The following SYMPK variants were observed in gnomAD, a reference collection of about 807,000 sequenced individuals.
SYMPK encodes the protein symplekin.
SYMPK carries 49 observed loss-of-function variants against 136.4 expected under a neutral mutation model. The observed-to-expected ratio is 0.36, with a 90% CI of 0.29 to 0.46. The LOEUF (loss-of-function observed/expected upper bound fraction) is 0.46, where lower values mean the gene tolerates loss of function less well. Ranked by LOEUF, SYMPK falls within the 20% of genes least tolerant of loss-of-function variation. SYMPK has a pLI of 1.00. For synonymous variants in SYMPK, 766 were observed against 713.0 expected, an observed-to-expected ratio of 1.07 and a Z score of -1.19; for missense variants, 1,365 against 1,690.0, an observed-to-expected ratio of 0.81 and a Z score of 3.37.
intron 9 of SYMPK, among the ~76,000 whole-genome samples, chr19:45,840,312 C>CAAAA (rs546768442): frequency 3.5e-5 from 2 of 57,142 alleles, no homozygotes; most frequent in Non-Finnish European, 7.3e-5. Flanking sequence ...GAGACTGTCT[C>CAAAA]AAAAAAAAAA....
intron 11 of SYMPK, among the ~76,000 whole-genome samples, chr19:45,834,099 A>G (rs1191414821): frequency 6.6e-6 from 1 of 152,204 alleles, no homozygotes; most frequent in Non-Finnish European, 1.5e-5. Flanking sequence ...CATCCTGGCT[A>G]AGACGGTGAA....
rs1329996632 is a variant in SYMPK at position 45,844,232 on chromosome 19, G to A, written c.677-32C>T. The A allele has an allele frequency of 1.3e-6, 2 of 1,517,296 alleles. 1 individual carries two copies. Among genetic ancestry groups the A allele is most frequent in the South Asian group, 2.6e-5 (2 of 76,204 alleles). The allele number at this position is 1,517,296 out of a possible 1,614,324, so 94.0% of individuals were successfully genotyped here. ...GACAGAGAGGAGAACCAGTCAGTGG[G>A]ATCCGTTTTCCCAGGCCTCTGGAGA... On this transcript the variant is annotated intron_variant, in intron 7 of 26. Coordinates refer to ENST00000245934, the MANE Select transcript of SYMPK (RefSeq NM_004819.3).
Position 45,816,851 on chromosome 19 carries a change from G to A in SYMPK, c.3205C>T (p.Pro1069Ser), listed in dbSNP as rs1970755895. Residue 1069 changes from proline to serine, a missense_variant, in exon 24 of 27, where the codon CCA becomes TCA. By Grantham distance (74) the Pro-to-Ser change is moderately conservative. Around this residue, in one of 11 missense-constraint regions of SYMPK, gnomAD observed 156 missense variants for 217.8 expected, o/e 0.72. Transcript: ENST00000245934. ...GCCAGCAGGGGCTCCCGGAGCTCTG[G>A]GCACTTGTCAAAGACGGCTCCCAGC... is the stretch of plus-strand genomic sequence containing the variant. ...QQLGAVFDKC[P>S]ELREPLLAHV... 3 of 1,549,206 alleles carry A rather than the reference G, an allele frequency of 1.9e-6. No individual in the cohort carries two copies. The highest frequency in any genetic ancestry group is 2.6e-6 in the Non-Finnish European group (3 of 1,146,596).
intron 12 of SYMPK, chr19:45,831,084 CA>C (rs1254172718): frequency 4.0e-6 from 1 of 247,844 alleles, no homozygotes; most frequent in African/African-American, 2.2e-5. Flanking sequence ...ACCTAACCAT[CA>C]CCATTACCAC....
rs145315096 is a variant in SYMPK at position 45,817,723 on chromosome 19, G to A, written c.3081+236C>T. On this transcript the variant is annotated intron_variant, in intron 23 of 26. Transcript: ENST00000245934. The stretch of plus-strand genomic sequence containing the variant: ...GGTGAGGAGCAGCCATGCCTCTCCC[G>A]GGTGCACACCCCTTGAGGGTTACCA... Among the ~76,000 whole-genome samples, 491 of 152,266 alleles carry A rather than the reference G, an allele frequency of 3.2e-3. 5 individuals are homozygous for A. The highest frequency in any genetic ancestry group is 4.0e-4 in the Non-Finnish European group (27 of 68,006).
At chr19:45,829,536 T>C (rs1345104710) in intron 13 of SYMPK, among the ~76,000 whole-genome samples, 3 of 152,122 alleles carry the variant, frequency 2.0e-5, no homozygotes. Context: ...GTGCAGGTGA[T>C]GGCCACGGAA....
At position 45,838,050 on chromosome 19, in the gene SYMPK, G is replaced by A. The variant is rs140314528; in HGVS notation, c.1242+411C>T. Among the ~76,000 whole-genome samples the A allele has an allele frequency of 2.6e-3, 394 of 152,232 alleles. 1 individual carries two copies. Among genetic ancestry groups the A allele is most frequent in the African/African-American group, 8.8e-3 (366 of 41,526 alleles). On this transcript the variant is annotated intron_variant, in intron 10 of 26. Transcript: ENST00000245934. ...TGTTGAATTACAATCCCCGATGTGG[G>A]AGGTGGGGCCTGGTCGGGGGTGTTT...
At chr19:45,852,224 C>T (rs1259541761) in intron 5 of SYMPK, 88 bp downstream of exon 5, 2 of 1,333,294 alleles carry the variant, frequency 1.5e-6, no homozygotes, top group East Asian at 2.3e-5. Context: ...AGAGGGCAGG[C>T]CTCTCAGTGG....
Position 45,842,497 on chromosome 19 carries a change from G to A in SYMPK, c.848-8C>T. The A allele has an allele frequency of 6.2e-7, 1 of 1,607,974 alleles. No homozygotes were observed. Among genetic ancestry groups the A allele is most frequent in the South Asian group, 1.1e-5 (1 of 90,940 alleles). On this transcript the variant is annotated splice_polypyrimidine_tract_variant and splice_region_variant and intron_variant, in intron 8 of 26. Coordinates refer to ENST00000245934, the MANE Select transcript of SYMPK (RefSeq NM_004819.3). ...GCGTCGGGGGCAGGTTGGCTGTGAG[G>A]AAAGTGGCAGGAGCTGTGTCTTGTG...
At chr19:45,857,741 T>C (rs943362948) in intron 1 of SYMPK, among the ~76,000 whole-genome samples, 1 of 151,784 alleles carries the variant, frequency 6.6e-6, no homozygotes, top group Non-Finnish European at 1.5e-5. Context: ...TCCGCCCGCC[T>C]TGGCCTCCCA....
At chr19:45,845,411 T>A (rs377567228) in intron 7 of SYMPK, among the ~76,000 whole-genome samples, 1 of 152,204 alleles carries the variant, frequency 6.6e-6, no homozygotes, top group Non-Finnish European at 1.5e-5. Flanking sequence ...ATGAGTTCAA[T>A]TGTTTTCATT....
intron 11 of SYMPK, 124 bp from the exon 12 acceptor site, chr19:45,831,712 A>G (rs1019750862): frequency 1.5e-6 from 1 of 682,526 alleles, no homozygotes; most frequent in African/African-American, 1.8e-5. Context: ...AAATCCACAC[A>G]ACACTGTCCT....
intron 6 of SYMPK, among the ~76,000 whole-genome samples, 153 bp downstream of exon 6, chr19:45,848,597 A>G (rs1163706154): frequency 1.3e-5 from 2 of 152,234 alleles, no homozygotes; most frequent in African/African-American, 2.4e-5. Flanking sequence ...CCTAGGAGAC[A>G]ACGTTAGCTC....
At chr19:45,835,267 T>G (rs778628559) in intron 10 of SYMPK, 39 bp from the exon 11 acceptor site, 9 of 1,530,784 alleles carry the variant, frequency 5.9e-6, no homozygotes, top group Non-Finnish European at 7.9e-6. Flanking sequence ...CCTTAATCAT[T>G]AACTCAAGAA....
intron 5 of SYMPK, among the ~76,000 whole-genome samples, chr19:45,852,091 G>A (rs1479661578): frequency 6.6e-6 from 1 of 152,204 alleles, no homozygotes. Flanking sequence ...ACAGTCCTTA[G>A]TGATAATGTA....
intron 17 of SYMPK, among the ~76,000 whole-genome samples, chr19:45,825,811 T>A (rs996542480): frequency 1.3e-5 from 2 of 152,062 alleles, no homozygotes; most frequent in African/African-American, 2.4e-5. Flanking sequence ...CTTCTGGGCC[T>A]CCCGAAGGCT....
At position 45,816,155 on chromosome 19, in the gene SYMPK, G is replaced by C. The variant is rs1354975674; in HGVS notation, c.3383C>G (p.Pro1128Arg). ...CTGAGGGGGCCGGGGTGCTGGGGCC[G>C]GGGCCAAGGTCAGGGGCTCCAGATC... ...EDDLEPLTLA[P>R]APAPRPPQDL... is the part of the protein sequence containing the mutation. The change falls in exon 26 of 27, where the codon CCG becomes CGG. Residue 1128 changes from proline (P) to arginine (R), a missense_variant. Coordinates refer to ENST00000245934, the MANE Select transcript of SYMPK (RefSeq NM_004819.3). 3.2e-6 allele frequency: 5 copies of C among 1,545,952 alleles called. No homozygotes were observed. Among genetic ancestry groups the C allele is most frequent in the African/African-American group, 1.4e-5 (1 of 73,360 alleles).
chr19:45,836,759 C>T (rs1971310920), intron 10 of SYMPK, among the ~76,000 whole-genome samples: 1 of 152,146 alleles, frequency 6.6e-6, no homozygotes, highest in Non-Finnish European at 1.5e-5. Flanking sequence ...CTGCTTCAGC[C>T]TCTCCAGTGG....
intron 18 of SYMPK, chr19:45,824,185 G>A (rs559329640): frequency 7.3e-6 from 2 of 275,272 alleles, no homozygotes; most frequent in Non-Finnish European, 7.0e-6. Flanking sequence ...GTTCACTGGT[G>A]AAGATGTTTC....
Sources: allele counts gnomAD v4.1 joint callset (sites outside exome capture counted in the v4.1 genomes callset), GRCh38; gene constraint gnomAD v4.1.1; regional missense constraint gnomAD v4.1.1; transcripts MANE v1.5; gene names NCBI Gene and HGNC (gene_info 2026-07-23, HGNC 2026-07-21).